The following MALRD1 variants were observed in gnomAD, a reference collection of about 807,000 sequenced individuals.
MALRD1 encodes the protein MAM and LDL-receptor class A domain-containing protein 1.
In MALRD1, 247 loss-of-function variants were observed where a neutral mutation model predicts 242.1. That is an observed-to-expected ratio of 1.02 (90% CI 0.92 to 1.13). The LOEUF (loss-of-function observed/expected upper bound fraction) is 1.13. Ranked by LOEUF, MALRD1 falls within the 50% of genes most tolerant of loss-of-function variation. The pLI is 0.00. For synonymous variants in MALRD1, 995 were observed against 866.6 expected, an observed-to-expected ratio of 1.15 and a Z score of -2.60; for missense variants, 2,989 against 2,533.1, an observed-to-expected ratio of 1.18 and a Z score of -3.86.
intron 26 of MALRD1, among the ~76,000 whole-genome samples, chr10:19,374,691 C>T (rs984932395): frequency 6.6e-6 from 1 of 152,178 alleles, no homozygotes; most frequent in Non-Finnish European, 1.5e-5. Flanking sequence ...TTTCAGTTTT[C>T]ACTCTTCAGG....
chr10:19,559,204 GATA>G (rs895894907), intron 32 of MALRD1, among the ~76,000 whole-genome samples: 19 of 151,616 alleles, frequency 1.3e-4, no homozygotes, highest in African/African-American at 4.1e-4. Flanking sequence ...TAATAATGAT[GATA>G]ATAATATTTT....
intron 18 of MALRD1, among the ~76,000 whole-genome samples, chr10:19,240,546 G>T (rs987972442): frequency 3.3e-5 from 5 of 151,808 alleles, no homozygotes; most frequent in Non-Finnish European, 7.4e-5. Flanking sequence ...TTCCAGTTTG[G>T]ATCCCTCTTA....
At chr10:19,556,483 T>G (rs1835722274) in intron 32 of MALRD1, among the ~76,000 whole-genome samples, 1 of 152,102 alleles carries the variant, frequency 6.6e-6, no homozygotes, top group South Asian at 2.1e-4. Flanking sequence ...AGTTTTACCT[T>G]TTCCATGAAT....
At chr10:19,338,424 A>T (rs1200649231) in intron 24 of MALRD1, among the ~76,000 whole-genome samples, 1 of 147,772 alleles carries the variant, frequency 6.8e-6, no homozygotes, top group African/African-American at 2.6e-5. Flanking sequence ...ATCATACAAC[A>T]TGTAGCCTTT....
intron 36 of MALRD1, among the ~76,000 whole-genome samples, chr10:19,650,766 G>A (rs1481678816): frequency 6.6e-6 from 1 of 152,208 alleles, no homozygotes; most frequent in Non-Finnish European, 1.5e-5. Context: ...TAACATTCCA[G>A]ATTTCCAACC....
intron 18 of MALRD1, among the ~76,000 whole-genome samples, chr10:19,243,046 A>T (rs1588765750): frequency 6.9e-6 from 1 of 145,704 alleles, no homozygotes. Context: ...TGTGGTGCTA[A>T]GCTTTGTTTC....
At chr10:19,322,301 G>A (rs1564561187) in intron 21 of MALRD1, among the ~76,000 whole-genome samples, 1 of 151,982 alleles carries the variant, frequency 6.6e-6, no homozygotes, top group African/African-American at 2.4e-5. Context: ...AACTGGAAAT[G>A]CTTTTTCATT....
intron 28 of MALRD1, among the ~76,000 whole-genome samples, chr10:19,440,522 T>G (rs1453942781): frequency 6.6e-6 from 1 of 152,066 alleles, no homozygotes; most frequent in African/African-American, 2.4e-5. Flanking sequence ...GGACCCGATG[T>G]GTGATGTTCC....
chr10:19,134,509 T>C (rs1359706179), intron 9 of MALRD1, among the ~76,000 whole-genome samples: 1 of 152,002 alleles, frequency 6.6e-6, no homozygotes, highest in Non-Finnish European at 1.5e-5. Context: ...CCTCAATTAT[T>C]TTTGCACCAA....
At chr10:19,641,253 C>T (rs529790731) in intron 36 of MALRD1, among the ~76,000 whole-genome samples, 7 of 152,128 alleles carry the variant, frequency 4.6e-5, no homozygotes, top group East Asian at 3.9e-4. Context: ...ATAAAATAAT[C>T]GAATAATGCA....
At chr10:19,275,233 CA>C (rs1217795090) in intron 19 of MALRD1, among the ~76,000 whole-genome samples, 1 of 152,088 alleles carries the variant, frequency 6.6e-6, no homozygotes. Context: ...TAATTAAAGT[CA>C]TTTTTTTAAA....
At chr10:19,663,219 C>A (rs1053789882) in intron 36 of MALRD1, among the ~76,000 whole-genome samples, 1 of 152,080 alleles carries the variant, frequency 6.6e-6, no homozygotes, top group African/African-American at 2.4e-5. Context: ...TTATTCCAGT[C>A]TCTATGCCCA....
chr10:19,644,582 A>G (rs1049271403), intron 36 of MALRD1, among the ~76,000 whole-genome samples: 3 of 152,270 alleles, frequency 2.0e-5, no homozygotes, highest in Non-Finnish European at 4.4e-5. Flanking sequence ...AATCAGGACC[A>G]TCTTAAAGAT....
At chr10:19,575,026 G>T (rs555583415) in intron 33 of MALRD1, among the ~76,000 whole-genome samples, 1 of 152,320 alleles carries the variant, frequency 6.6e-6, no homozygotes, top group Non-Finnish European at 1.5e-5. Context: ...GAATGTAGTA[G>T]TGTCTACAGC....
intron 11 of MALRD1, among the ~76,000 whole-genome samples, chr10:19,153,017 A>G (rs918893989): frequency 1.3e-5 from 2 of 151,928 alleles, no homozygotes; most frequent in Non-Finnish European, 2.9e-5. Context: ...ATTTCCTTTT[A>G]TTTTATTAAG....
chr10:19,715,518 A>G lies in MALRD1; in HGVS notation c.6315-15188A>G, dbSNP rs548951149. ...AAAAATATTTCCAGAATAGGTGACT[A>G]GCAAAAATTTATTGGAGAAAAGTAT... On this transcript the variant is annotated intron_variant, in intron 38 of 39. Transcript: ENST00000454679. Among the ~76,000 whole-genome samples, 6 of 152,260 alleles carry G rather than the reference A, an allele frequency of 3.9e-5. No homozygotes were observed. In the East Asian group the frequency reaches 1.2e-3, roughly 29 times the overall value.
rs1189134080 is a variant in MALRD1 at position 19,567,380 on chromosome 10, T to G, written c.5479-122T>G. ...ACCCACAATTTCTACAGATAGAAAA[T>G]ACAATAGTCAATGTATTGAGCTGTT... On this transcript the variant is annotated intron_variant, in intron 32 of 39. Transcript: ENST00000454679. 4.8e-6 allele frequency: 4 copies of G among 840,976 alleles called. No homozygotes were observed. In the Admixed American group the frequency reaches 1.1e-4, roughly 23 times the overall value. 52.1% of individuals were successfully genotyped at this position (840,976 alleles called of 1,614,324 possible). A position where few individuals can be genotyped will look rare whatever the true frequency, so the allele number is the denominator to read the frequency against.
chr10:19,276,627 C>T (rs1179652346), intron 19 of MALRD1, among the ~76,000 whole-genome samples: 1 of 152,134 alleles, frequency 6.6e-6, no homozygotes, highest in Non-Finnish European at 1.5e-5. Flanking sequence ...TCTTCAAAGT[C>T]ATCAGCATTC....
rs778290555 is a variant in MALRD1 at position 19,672,964 on chromosome 10, A to G, written c.6138-19318A>G. Among the ~76,000 whole-genome samples the G allele has an allele frequency of 9.4e-4, 143 of 152,294 alleles. 1 individual carries two copies. Among genetic ancestry groups the G allele is most frequent in the Admixed American group, 1.2e-3 (19 of 15,298 alleles). On this transcript the variant is annotated intron_variant, in intron 36 of 39. Coordinates refer to ENST00000454679, the MANE Select transcript of MALRD1 (RefSeq NM_001142308.3). ...ATTTATTCACTAAGAGTTTGAGGAA[A>G]TTCTTAAGTACAGTGCTCTTTGGTG...
Sources: gnomAD v4.1 joint callset for allele counts (sites outside exome capture counted in the v4.1 genomes callset) on GRCh38, gnomAD v4.1.1 for gene constraint, MANE v1.5 for transcripts, NCBI Gene and HGNC (gene_info 2026-07-23, HGNC 2026-07-21) for gene names.